The following CTNNA3 variants were observed in gnomAD, a reference collection of about 807,000 sequenced individuals.
CTNNA3 encodes catenin alpha 3, also known as catenin alpha-3.
A neutral mutation model predicts 95.7 loss-of-function variants in CTNNA3; 76 were observed. That is an observed-to-expected ratio of 0.79 (90% CI 0.66 to 0.96). The LOEUF is 0.96. Among genes scored for constraint, CTNNA3 ranks in the 40% least tolerant of loss-of-function variants. The probability of loss-of-function intolerance (pLI) is 0.00; values close to 1 mark genes in which losing one functional copy is unlikely to be tolerated. For synonymous variants in CTNNA3, 431 were observed against 374.4 expected, an observed-to-expected ratio of 1.15 and a Z score of -1.74; for missense variants, 1,191 against 1,089.8, an observed-to-expected ratio of 1.09 and a Z score of -1.31.
chr10:67,252,146 G>T (rs369713915), intron 5 of CTNNA3, among the ~76,000 whole-genome samples: 105 of 151,676 alleles, frequency 6.9e-4, no homozygotes, highest in African/African-American at 2.5e-3. Context: ...AGGAGGTGGA[G>T]GTTGCAGTGA....
At chr10:66,706,140 T>A (rs886390576) in intron 9 of CTNNA3, among the ~76,000 whole-genome samples, 8 of 151,998 alleles carry the variant, frequency 5.3e-5, no homozygotes, top group Admixed American at 6.6e-5. Context: ...AACAAGAACA[T>A]CCCCAGGTTT....
chr10:67,381,520 AAT>A (rs1359515740), intron 5 of CTNNA3, among the ~76,000 whole-genome samples: 2 of 152,170 alleles, frequency 1.3e-5, no homozygotes, highest in East Asian at 3.8e-4. Flanking sequence ...AATTATTTCC[AAT>A]AAAAATTTAA....
chr10:67,152,182 G>C (rs770378954), intron 7 of CTNNA3, among the ~76,000 whole-genome samples: 46 of 152,324 alleles, frequency 3.0e-4, no homozygotes, highest in Non-Finnish European at 5.4e-4. Flanking sequence ...AGTGAACTTG[G>C]AGACTTCCCT....
chr10:67,333,654 T>G (rs2132590773), intron 5 of CTNNA3, among the ~76,000 whole-genome samples: 1 of 152,336 alleles, frequency 6.6e-6, no homozygotes, highest in South Asian at 2.1e-4. Flanking sequence ...CATGCTATTT[T>G]GTTGGCTCAC....
chr10:67,637,713 C>T (rs992262875), intron 2 of CTNNA3, among the ~76,000 whole-genome samples: 1 of 152,210 alleles, frequency 6.6e-6, no homozygotes, highest in African/African-American at 2.4e-5. Flanking sequence ...CAATATTCAA[C>T]ATTCTTAAAG....
intron 5 of CTNNA3, among the ~76,000 whole-genome samples, chr10:67,365,543 A>G (rs1403550561): frequency 6.6e-6 from 1 of 152,048 alleles, no homozygotes; most frequent in Non-Finnish European, 1.5e-5. Context: ...AAAACAAACA[A>G]CCCCATCAAA....
chr10:66,718,839 T>A (rs1041817103), intron 9 of CTNNA3, among the ~76,000 whole-genome samples: 2 of 152,120 alleles, frequency 1.3e-5, no homozygotes, highest in African/African-American at 4.8e-5. Context: ...TAACAATTGA[T>A]TTGACAATTG....
In CTNNA3 at chr10:66,766,264, C is replaced by T. The variant is rs755246010; in HGVS notation, c.1281G>A (p.Glu427=). 1 of 1,613,356 alleles carries T rather than the reference C, an allele frequency of 6.2e-7. No homozygotes were observed. Among genetic ancestry groups the T allele is most frequent in the Non-Finnish European group, 8.5e-7 (1 of 1,179,514 alleles). ...IFHEHTSRLV[E]VANLACSMST... is the part of the protein sequence containing the mutation. ...TGAGTTACAGTTCTAGCATGCTTAC[C>T]TCTACAAGCCTGCTGGTGTGTTCAT... The change falls in exon 9 of 18, where the codon GAG becomes GAA. Residue 427 remains glutamate, a splice_region_variant and synonymous_variant. Transcript: ENST00000433211.
At chr10:67,741,479 C>A (rs1841338702) in intron 1 of CTNNA3, among the ~76,000 whole-genome samples, 1 of 150,702 alleles carries the variant, frequency 6.6e-6, no homozygotes, top group South Asian at 2.1e-4. Context: ...CACCAACAGG[C>A]CTGCCCTAAA....
At chr10:66,642,363 A>G (rs1315282113) in intron 9 of CTNNA3, among the ~76,000 whole-genome samples, 1 of 152,010 alleles carries the variant, frequency 6.6e-6, no homozygotes, top group Non-Finnish European at 1.5e-5. Context: ...TAGGTCATTT[A>G]AACAGTACTT....
intron 7 of CTNNA3, among the ~76,000 whole-genome samples, chr10:66,882,177 G>T (rs903130254): frequency 2.0e-5 from 3 of 151,984 alleles, no homozygotes; most frequent in African/African-American, 7.3e-5. Context: ...GGTTCTTAGG[G>T]GTCTTTGGTG....
chr10:66,111,240 C>G (rs997351746), intron 13 of CTNNA3, among the ~76,000 whole-genome samples: 4 of 152,100 alleles, frequency 2.6e-5, no homozygotes, highest in Non-Finnish European at 5.9e-5. Context: ...TTTCTTCCAC[C>G]TCCTGCCCTG....
At chr10:66,296,381 A>C (rs1040769217) in intron 12 of CTNNA3, among the ~76,000 whole-genome samples, 1 of 152,174 alleles carries the variant, frequency 6.6e-6, no homozygotes, top group Non-Finnish European at 1.5e-5. Flanking sequence ...TATTAAAATG[A>C]CTATGAAGTC....
intron 3 of CTNNA3, among the ~76,000 whole-genome samples, chr10:67,558,881 A>C (rs1413569097): frequency 6.6e-6 from 1 of 152,162 alleles, no homozygotes; most frequent in Non-Finnish European, 1.5e-5. Context: ...AGTCTCGCTG[A>C]TTGCTAGCAC....
chr10:66,056,193 T>C (rs2080083720), intron 15 of CTNNA3, among the ~76,000 whole-genome samples: 1 of 152,136 alleles, frequency 6.6e-6, no homozygotes, highest in Admixed American at 6.5e-5. Flanking sequence ...TTGAGATATT[T>C]TTCATTTTGA....
At chr10:66,801,019 C>A (rs919081054) in intron 7 of CTNNA3, among the ~76,000 whole-genome samples, 3 of 151,324 alleles carry the variant, frequency 2.0e-5, no homozygotes, top group Non-Finnish European at 3.0e-5. Flanking sequence ...CTAGTTAATT[C>A]TATCCAAAAT....
At chr10:67,330,984 T>A (rs1256694427) in intron 5 of CTNNA3, among the ~76,000 whole-genome samples, 1 of 152,182 alleles carries the variant, frequency 6.6e-6, no homozygotes, top group Non-Finnish European at 1.5e-5. Flanking sequence ...CTTATAAATA[T>A]TATGAAAATA....
intron 15 of CTNNA3, among the ~76,000 whole-genome samples, chr10:66,024,236 A>C (rs1184465618): frequency 6.6e-6 from 1 of 151,816 alleles, no homozygotes; most frequent in East Asian, 1.9e-4. Flanking sequence ...ACTACAGGCG[A>C]CCGCCACCAC....
chr10:66,943,590 C>T (rs115441379), intron 7 of CTNNA3, among the ~76,000 whole-genome samples: 2,761 of 151,310 alleles, frequency 0.018, 75 homozygotes, highest in African/African-American at 0.064. Flanking sequence ...ACTCTCACGG[C>T]GAGGTGTTTT....
Sources: allele counts gnomAD v4.1 joint callset (sites outside exome capture counted in the v4.1 genomes callset), GRCh38; gene constraint gnomAD v4.1.1; transcripts MANE v1.5; gene names NCBI Gene and HGNC (gene_info 2026-07-23, HGNC 2026-07-21).